The following QTGAL variants were observed in gnomAD, a reference collection of about 807,000 sequenced individuals.
QTGAL encodes BGnT-like protein 1.
chr17:82,966,359 G>A, the QTGAL span, among the ~76,000 whole-genome samples: 1 of 152,122 alleles, frequency 6.6e-6, no homozygotes, highest in East Asian at 1.9e-4. Flanking sequence ...CTGGCTCAAC[G>A]GAGATTCTAA....
chr17:82,980,237 CT>C, the QTGAL span, among the ~76,000 whole-genome samples: 3 of 152,110 alleles, frequency 2.0e-5, no homozygotes, highest in African/African-American at 7.2e-5. Flanking sequence ...AAATTAGAAA[CT>C]TTTGTTCTGT....
the QTGAL span, among the ~76,000 whole-genome samples, chr17:83,015,107 A>G: frequency 6.9e-6 from 1 of 145,216 alleles, no homozygotes; most frequent in African/African-American, 2.6e-5. The surrounding 1 kb of genome is among the most constrained non-coding windows in gnomAD (Gnocchi z 4.4). Flanking sequence ...ACCTGCCACC[A>G]CTGTGGAGGG....
the QTGAL span, among the ~76,000 whole-genome samples, chr17:83,050,190 G>A: frequency 6.6e-6 from 1 of 151,992 alleles, no homozygotes; most frequent in African/African-American, 2.4e-5. Flanking sequence ...GACCAACATG[G>A]AGAAACCCCG....
At chr17:83,023,735 G>A in the QTGAL span, among the ~76,000 whole-genome samples, 28 of 152,090 alleles carry the variant, frequency 1.8e-4, no homozygotes, top group African/African-American at 5.8e-4. Flanking sequence ...CTGGGGAGGC[G>A]CCAGATCTCC....
At chr17:82,951,476 C>T in the QTGAL span, among the ~76,000 whole-genome samples, 10 of 152,198 alleles carry the variant, frequency 6.6e-5, no homozygotes, top group African/African-American at 2.4e-4. Flanking sequence ...AATGTTGTGG[C>T]TGGTTTGATC....
chr17:82,951,917 G>GT, the QTGAL span, among the ~76,000 whole-genome samples: 1 of 151,936 alleles, frequency 6.6e-6, no homozygotes, highest in African/African-American at 2.4e-5. Context: ...ACAGGTCACC[G>GT]TAACACATAC....
At chr17:82,973,443 G>A in the QTGAL span, among the ~76,000 whole-genome samples, 8 of 152,306 alleles carry the variant, frequency 5.3e-5, no homozygotes, top group African/African-American at 1.7e-4. Context: ...AGACCAGGCC[G>A]GTTTTCACGG....
At chr17:83,014,858 G>A in the QTGAL span, among the ~76,000 whole-genome samples, 2 of 152,238 alleles carry the variant, frequency 1.3e-5, no homozygotes, top group Non-Finnish European at 2.9e-5. Context: ...CAACAACCTC[G>A]TCAGCCATCA....
the QTGAL span, among the ~76,000 whole-genome samples, chr17:82,995,202 G>A: frequency 1.3e-5 from 2 of 152,070 alleles, no homozygotes; most frequent in East Asian, 3.9e-4. Context: ...AATCAGGCAA[G>A]AGAAATAAAG....
the QTGAL span, chr17:83,006,066 C>T: frequency 3.0e-6 from 3 of 1,006,562 alleles, no homozygotes; most frequent in Non-Finnish European, 3.6e-6. This position sits in a 1 kb window ranked among gnomAD's most constrained non-coding sequence, Gnocchi z 5.8. Flanking sequence ...GGCCCAGGGC[C>T]AGCAGAGCCT....
chr17:83,048,631 A>G, the QTGAL span: 2 of 1,606,436 alleles, frequency 1.2e-6, no homozygotes, highest in Non-Finnish European at 1.7e-6. Context: ...CGTTGCTTAC[A>G]CTGGGGCTGA....
the QTGAL span, among the ~76,000 whole-genome samples, chr17:83,028,529 A>G: frequency 3.3e-5 from 5 of 151,124 alleles, no homozygotes; most frequent in East Asian, 1.9e-4. Flanking sequence ...TCTCAAAAAA[A>G]AAAAAAAAAG....
chr17:83,032,989 TCCCGCGTAAATC>T, the QTGAL span, among the ~76,000 whole-genome samples: 1 of 152,172 alleles, frequency 6.6e-6, no homozygotes, highest in Admixed American at 6.5e-5. Flanking sequence ...AACGGGCGGC[TCCCGCGTAAATC>T]CCCGCGTAGG....
At chr17:83,041,065 CAAAA>C in the QTGAL span, among the ~76,000 whole-genome samples, 1 of 89,806 alleles carries the variant, frequency 1.1e-5, no homozygotes. Flanking sequence ...GACTCCATCT[CAAAA>C]AAAAAAAAAA....
chr17:83,035,126 T>G, the QTGAL span: 5 of 1,589,218 alleles, frequency 3.1e-6, no homozygotes, highest in African/African-American at 4.0e-5. Flanking sequence ...AGCAAAACTC[T>G]TTTATAATTC....
chr17:82,970,582 C>T, the QTGAL span, among the ~76,000 whole-genome samples: 626 of 131,784 alleles, frequency 4.8e-3, 71 homozygotes, highest in Non-Finnish European at 6.2e-3. Context: ...CCGGCGTGGC[C>T]GCGACCTCCG....
the QTGAL span, chr17:83,048,359 A>G: frequency 4.1e-6 from 4 of 977,360 alleles, no homozygotes; most frequent in Non-Finnish European, 3.2e-6. Context: ...GGTATATCCA[A>G]TTACCACCAG....
the QTGAL span, among the ~76,000 whole-genome samples, chr17:83,019,447 T>C: frequency 6.6e-6 from 1 of 152,206 alleles, no homozygotes; most frequent in Non-Finnish European, 1.5e-5. Flanking sequence ...GAGCAAGTCA[T>C]GAAAGGACAA....
the QTGAL span, among the ~76,000 whole-genome samples, chr17:82,993,700 A>G: frequency 1.1e-4 from 16 of 152,240 alleles, no homozygotes; most frequent in East Asian, 2.1e-3. Flanking sequence ...TCCGCAGCAC[A>G]TGGATCATCC....
Sources: allele counts gnomAD v4.1 joint callset (sites outside exome capture counted in the v4.1 genomes callset), GRCh38; gene constraint gnomAD v4.1.1; non-coding constraint Gnocchi (gnomAD v3.1); transcripts MANE v1.5; gene names NCBI Gene and HGNC (gene_info 2026-07-23, HGNC 2026-07-21).